Variants in ANXA7 observed in about 807,000 individuals in gnomAD.
The protein encoded by ANXA7 is annexin VII.
Under a neutral mutation model 64.9 loss-of-function variants are expected in ANXA7, and 55 were observed. The ratio of observed to expected loss-of-function variants is 0.85; its 90% CI spans 0.68 to 1.06. ANXA7 has a LOEUF of 1.06. ANXA7 is among the 50% of genes least tolerant of loss of function. The pLI, the probability that ANXA7 is intolerant of heterozygous loss-of-function variation, is 0.00. For synonymous variants in ANXA7, 200 were observed against 192.4 expected (o/e 1.04, Z -0.33); for missense variants, 548 against 582.1 (o/e 0.94, Z 0.60).
intron 12 of ANXA7, chr10:73,377,500 G>T (rs1229380834): frequency 6.8e-6 from 1 of 147,040 alleles, no homozygotes; most frequent in African/African-American, 2.5e-5. Context: ...AACCCGGGAG[G>T]CAGAGGTTGC....
chr10:73,379,150 G>T (rs2055233327), intron 11 of ANXA7, 127 bp from the exon 12 acceptor site: 3 of 604,760 alleles, frequency 5.0e-6, no homozygotes, highest in Non-Finnish European at 8.2e-6. Context: ...AACATGGGGT[G>T]AGTTAAGAGT....
At chr10:73,388,960 T>C (rs1401225174) in intron 5 of ANXA7, among the ~76,000 whole-genome samples, 2 of 152,190 alleles carry the variant, frequency 1.3e-5, no homozygotes, top group Non-Finnish European at 2.9e-5. Context: ...AGTAACTGTT[T>C]CAGGCAAGAA....
intron 1 of ANXA7, among the ~76,000 whole-genome samples, chr10:73,405,332 A>T (rs1178639771): frequency 6.6e-6 from 1 of 150,836 alleles, no homozygotes; most frequent in African/African-American, 2.4e-5. Flanking sequence ...AACTGAGGTC[A>T]GGAGTTCGAG....
rs774765911 is a variant in ANXA7 at position 73,383,216 on chromosome 10, T to G, written c.877A>C (p.Thr293Pro). The part of the protein sequence containing the change: ...RDLEKDIRSD[T>P]SGHFERLLVS... The stretch of plus-strand genomic sequence containing the variant: ...AGTAAACGTTCAAAATGTCCTGATG[T>G]ATCTGACCTAATGTCCTTTTCAAGG... The change falls in exon 9 of 13, where the codon ACA (threonine) becomes CCA (proline). Residue 293 changes from threonine to proline, a missense_variant. Physicochemically the swap from Thr to Pro is conservative, Grantham distance 38 (BLOSUM62 -1). Coordinates refer to ENST00000372921, the MANE Select transcript of ANXA7 (RefSeq NM_001156.5). 4 of 1,614,108 alleles carry G rather than the reference T, an allele frequency of 2.5e-6. No individual in the cohort carries two copies. The South Asian group carries it at 4.4e-5, about 18-fold the overall frequency.
In ANXA7 at chr10:73,376,003, G is replaced by A. The variant is rs1478881503; in HGVS notation, c.*92C>T. The stretch of plus-strand genomic sequence containing the variant: ...CCTTGACAGAAAGCTCTTTCGGTTA[G>A]CTGATGTTTGATATTGCTGCATGCA... On this transcript the variant is annotated 3_prime_UTR_variant, in exon 13 of 13. Transcript: ENST00000372921. 1.8e-6 allele frequency: 2 copies of A among 1,110,680 alleles called. No homozygotes were observed. The highest frequency in any genetic ancestry group is 2.5e-6 in the Non-Finnish European group (2 of 815,218). 68.8% of individuals were successfully genotyped at this position (1,110,680 alleles called of 1,614,324 possible). A position where few individuals can be genotyped will look rare whatever the true frequency, so the allele number is the denominator to read the frequency against.
At chr10:73,395,733 C>T in intron 5 of ANXA7, 1 of 422,908 alleles carries the variant, frequency 2.4e-6, no homozygotes, top group African/African-American at 2.1e-5. Context: ...GTGCAGTGAG[C>T]CGAGGTCGTG....
chr10:73,408,716 G>C (rs578040638), intron 1 of ANXA7, among the ~76,000 whole-genome samples: 43 of 152,186 alleles, frequency 2.8e-4, no homozygotes, highest in African/African-American at 9.4e-4. Context: ...CCATTTCCAG[G>C]AATGTACCTT....
intron 12 of ANXA7, among the ~76,000 whole-genome samples, chr10:73,377,802 AT>A (rs903550816): frequency 4.1e-5 from 4 of 98,674 alleles, no homozygotes; most frequent in Non-Finnish European, 7.7e-5. Context: ...GTGTGTGTGT[AT>A]TTTTTGTATA....
At chr10:73,403,877 T>C (rs1170208059) in intron 1 of ANXA7, among the ~76,000 whole-genome samples, 2 of 152,240 alleles carry the variant, frequency 1.3e-5, no homozygotes, top group African/African-American at 2.4e-5. Flanking sequence ...CCTTCATTTC[T>C]TCATCTATAA....
At chr10:73,400,012 G>A (rs1379817612) in intron 2 of ANXA7, among the ~76,000 whole-genome samples, 2 of 149,920 alleles carry the variant, frequency 1.3e-5, no homozygotes, top group East Asian at 2.0e-4. Flanking sequence ...GCACAGTGGC[G>A]GGCACCTGAA....
intron 7 of ANXA7, among the ~76,000 whole-genome samples, chr10:73,384,524 CCT>C (rs925575592): frequency 9.4e-4 from 143 of 152,130 alleles, no homozygotes; most frequent in African/African-American, 3.3e-3. Context: ...TCCTCAGCCC[CCT>C]GAGTAGCTGG....
chr10:73,396,215 G>GTT lies in ANXA7; in HGVS notation c.435+303_435+304insAA, dbSNP rs528932422. 1.3e-4 allele frequency: 94 copies of GTT among 726,388 alleles called. No individual in the cohort carries two copies. The East Asian group carries it at 2.5e-3, about 19-fold the overall frequency. The allele number at this position is 726,388 out of a possible 1,614,324, so 45.0% of individuals were successfully genotyped here. A position where few individuals can be genotyped will look rare whatever the true frequency, so the allele number is the denominator to read the frequency against. ...CACCCAGCCACCCAAATTCATAGGTGTAACTGCTGGTAAGGGCAAGGAAGA... is the reference window on the plus strand; with the variant it reads ...CACCCAGCCACCCAAATTCATAGGTGTTTAACTGCTGGTAAGGGCAAGGAAGA... On this transcript the variant is annotated intron_variant, in intron 5 of 12. Coordinates refer to ENST00000372921, the MANE Select transcript of ANXA7 (RefSeq NM_001156.5).
intron 5 of ANXA7, among the ~76,000 whole-genome samples, chr10:73,395,206 C>A (rs1276394924): frequency 6.6e-6 from 1 of 152,076 alleles, no homozygotes; most frequent in East Asian, 1.9e-4. Flanking sequence ...AGTTGTGTTG[C>A]CCTAGACAAG....
intron 5 of ANXA7, among the ~76,000 whole-genome samples, chr10:73,390,645 A>C (rs1010795814): frequency 6.8e-6 from 1 of 146,446 alleles, no homozygotes; most frequent in Non-Finnish European, 1.5e-5. Flanking sequence ...ACTAACCCTC[A>C]CTGTGTACCA....
intron 1 of ANXA7, among the ~76,000 whole-genome samples, chr10:73,403,879 C>T (rs151181850): frequency 6.6e-6 from 1 of 152,178 alleles, no homozygotes; most frequent in African/African-American, 2.4e-5. Flanking sequence ...TTCATTTCTT[C>T]ATCTATAAAA....
At chr10:73,386,475 G>A (rs1200187561) in intron 7 of ANXA7, among the ~76,000 whole-genome samples, 1 of 152,046 alleles carries the variant, frequency 6.6e-6, no homozygotes, top group African/African-American at 2.4e-5. Flanking sequence ...AAAGTGCTAT[G>A]GGACTACAGT....
At chr10:73,403,411 C>T (rs1245575757) in intron 1 of ANXA7, among the ~76,000 whole-genome samples, 1 of 152,008 alleles carries the variant, frequency 6.6e-6, no homozygotes, top group East Asian at 1.9e-4. Flanking sequence ...TCACTTGAGC[C>T]CAAGACTTCA....
At chr10:73,379,746 C>A in intron 11 of ANXA7, 133 bp downstream of exon 11, 1 of 878,046 alleles carries the variant, frequency 1.1e-6, no homozygotes, top group South Asian at 1.6e-5. Context: ...AAAAAACAAA[C>A]CCCAAAGGAT....
In ANXA7 at chr10:73,383,202, A is replaced by G; in HGVS notation, c.891T>C (p.Phe297=). The G allele has an allele frequency of 6.2e-7, 1 of 1,613,680 alleles. No individual in the cohort carries two copies. Among genetic ancestry groups the G allele is most frequent in the Non-Finnish European group, 8.5e-7 (1 of 1,179,734 alleles). Residue 297 remains phenylalanine (F), a synonymous_variant, in exon 9 of 13, where the codon TTT becomes TTC. Coordinates refer to ENST00000372921, the MANE Select transcript of ANXA7 (RefSeq NM_001156.5). ...GGCACATGGACACAAGTAAACGTTCAAAATGTCCTGATGTATCTGACCTAA... is the reference window on the plus strand; with the variant it reads ...GGCACATGGACACAAGTAAACGTTCGAAATGTCCTGATGTATCTGACCTAA... ...KDIRSDTSGH[F]ERLLVSMCQG...
Sources: gnomAD v4.1 joint callset for allele counts (sites outside exome capture counted in the v4.1 genomes callset) on GRCh38, gnomAD v4.1.1 for gene constraint, MANE v1.5 for transcripts, NCBI Gene and HGNC (gene_info 2026-07-23, HGNC 2026-07-21) for gene names.